Variants in POU3F3 observed in about 807,000 individuals in gnomAD.
POU3F3 encodes POU domain, class 3, transcription factor 3.
A neutral mutation model predicts 8.6 loss-of-function variants in POU3F3; 1 was observed. The observed-to-expected ratio is 0.12, with a 90% CI of 0.04 to 0.55. The LOEUF is 0.55. Ranked by LOEUF, POU3F3 falls within the 20% of genes least tolerant of loss-of-function variation. The pLI, the probability that POU3F3 is intolerant of heterozygous loss-of-function variation, is 0.91. For missense variants in POU3F3, 577 were observed against 690.7 expected (o/e 0.84, Z 1.84); for synonymous variants, 418 against 327.4 (o/e 1.28, Z -2.99).
the POU3F3 span, among the ~76,000 whole-genome samples, chr2:104,869,163 G>A: frequency 2.5e-3 from 381 of 152,330 alleles, 3 homozygotes; most frequent in Non-Finnish European, 4.8e-3. Context: ...GGCTGCTAGC[G>A]AGAGACCTTG....
At chr2:104,881,888 A>G in the POU3F3 span, among the ~76,000 whole-genome samples, 1 of 152,198 alleles carries the variant, frequency 6.6e-6, no homozygotes, top group Admixed American at 6.5e-5. Context: ...GATATCTGTC[A>G]ATAGATGATT....
At position 104,855,784 on chromosome 2, in the gene POU3F3, A is replaced by T; in HGVS notation, c.274A>T (p.Ser92Cys). 7.7e-7 allele frequency: 1 copy of T among 1,298,450 alleles called. No homozygotes were observed. The highest frequency in any genetic ancestry group is 1.0e-6 in the Non-Finnish European group (1 of 1,002,642). The allele number at this position is 1,298,450 out of a possible 1,614,324, so 80.4% of individuals were successfully genotyped here. A position where few individuals can be genotyped will look rare whatever the true frequency, so the allele number is the denominator to read the frequency against. ...CGCCAGCAACGGCGGCCATATGCTG[A>T]GCCACGCGCACCAGTGGGTCACAGC... ...MAASNGGHML[S>C]HAHQWVTALP... is the part of the protein sequence containing the mutation. The change falls in exon 1 of 1, where the codon AGC becomes TGC. Residue 92 changes from serine to cysteine, a missense_variant. By Grantham distance (112) the Ser-to-Cys change is moderately radical. Around this residue, in one of 7 missense-constraint regions of POU3F3, gnomAD observed 484 missense variants for 422.6 expected, o/e 1.15. Transcript: ENST00000361360.
At chr2:104,866,624 G>A in the POU3F3 span, 2 of 152,194 alleles carry the variant, frequency 1.3e-5, no homozygotes, top group South Asian at 2.1e-4. Context: ...AATCCTCTGT[G>A]GGGAGAAGTG....
the POU3F3 span, among the ~76,000 whole-genome samples, chr2:104,920,162 A>G: frequency 5.3e-5 from 8 of 152,258 alleles, no homozygotes; most frequent in East Asian, 1.5e-3. Flanking sequence ...TTACAGGCGC[A>G]TGCCATCACG....
chr2:104,925,041 G>A, the POU3F3 span, among the ~76,000 whole-genome samples: 1 of 152,160 alleles, frequency 6.6e-6, no homozygotes, highest in African/African-American at 2.4e-5. Flanking sequence ...TGCAATTTAG[G>A]TTCTATCATG....
chr2:104,919,667 ACTCCTGAAACAATAGG>A, the POU3F3 span, among the ~76,000 whole-genome samples: 1 of 151,584 alleles, frequency 6.6e-6, no homozygotes, highest in African/African-American at 2.4e-5. Context: ...GCATTTGGAG[ACTCCTGAAACAATAGG>A]CTTCAGAAAG....
At chr2:104,926,962 G>A in the POU3F3 span, among the ~76,000 whole-genome samples, 23 of 152,236 alleles carry the variant, frequency 1.5e-4, no homozygotes, top group South Asian at 4.8e-3. Flanking sequence ...CAGGGGGTGA[G>A]GGGCTAGGGG....
chr2:104,902,005 G>T, the POU3F3 span, among the ~76,000 whole-genome samples: 8 of 152,202 alleles, frequency 5.3e-5, no homozygotes, highest in Non-Finnish European at 8.8e-5. Context: ...CTTACAGACT[G>T]TAGATGTTCA....
rs1034341915 is a variant in POU3F3, at chr2:104,854,196, G to C, written c.-1315G>C. Among the ~76,000 whole-genome samples, 5 of 152,056 alleles carry C rather than the reference G, an allele frequency of 3.3e-5. No homozygotes were observed. The highest frequency in any genetic ancestry group is 1.3e-4 in the Admixed American group (2 of 15,286). ...CGAGAGCGGGCGCCCGAGAGAGGGAGAGAGAGAGAGGGAGGGAGAGGAAAA... is the reference window on the plus strand; with the variant it reads ...CGAGAGCGGGCGCCCGAGAGAGGGACAGAGAGAGAGGGAGGGAGAGGAAAA... On this transcript the variant is annotated 5_prime_UTR_variant, in exon 1 of 1. Coordinates refer to ENST00000361360, the MANE Select transcript of POU3F3 (RefSeq NM_006236.3). This position sits in a 1 kb window ranked among gnomAD's most constrained non-coding sequence, Gnocchi z 4.5.
the POU3F3 span, among the ~76,000 whole-genome samples, chr2:104,863,818 C>A: frequency 6.6e-6 from 1 of 152,186 alleles, no homozygotes; most frequent in Non-Finnish European, 1.5e-5. Context: ...CATGTGCGGG[C>A]AGAAGAAGTC....
chr2:104,922,468 C>A, the POU3F3 span, among the ~76,000 whole-genome samples: 1 of 145,768 alleles, frequency 6.9e-6, no homozygotes, highest in Non-Finnish European at 1.5e-5. Context: ...ATGAAAATAT[C>A]AATAGAAGAA....
chr2:104,858,024 T>A lies in POU3F3; in HGVS notation c.*1011T>A, dbSNP rs1676610842. On this transcript the variant is annotated 3_prime_UTR_variant, in exon 1 of 1. Coordinates refer to ENST00000361360, the MANE Select transcript of POU3F3 (RefSeq NM_006236.3). ...GTACCCAGGCTTTGACGGCTGCCAT[T>A]CAGGGTGGACGATGCCTAAAGATTC... The A allele has an allele frequency of 6.6e-6, 1 of 152,202 alleles. No homozygotes were observed. Among genetic ancestry groups the A allele is most frequent in the Non-Finnish European group, 1.5e-5 (1 of 68,036 alleles). 9.4% of individuals were successfully genotyped at this position (152,202 alleles called of 1,614,324 possible).
chr2:104,891,990 CAG>C, the POU3F3 span, among the ~76,000 whole-genome samples: 11 of 152,134 alleles, frequency 7.2e-5, no homozygotes, highest in Admixed American at 7.2e-4. Flanking sequence ...GAGGTATAAA[CAG>C]GGAGACATTC....
chr2:104,879,874 C>T, the POU3F3 span, among the ~76,000 whole-genome samples: 16 of 152,146 alleles, frequency 1.1e-4, no homozygotes, highest in African/African-American at 2.7e-4. Context: ...CTTTGGGGAA[C>T]GAGCTAAGTA....
At chr2:104,878,891 AAC>A in the POU3F3 span, among the ~76,000 whole-genome samples, 2 of 151,990 alleles carry the variant, frequency 1.3e-5, no homozygotes, top group African/African-American at 4.8e-5. Context: ...ACACAAATGC[AAC>A]ACACACACAG....
chr2:104,926,258 G>GA, the POU3F3 span, among the ~76,000 whole-genome samples: 1 of 151,882 alleles, frequency 6.6e-6, no homozygotes, highest in Admixed American at 6.6e-5. Flanking sequence ...AAATTTACAA[G>GA]AAAAAAACAA....
chr2:104,890,372 TCTCG>T, the POU3F3 span, among the ~76,000 whole-genome samples: 1 of 152,154 alleles, frequency 6.6e-6, no homozygotes, highest in Admixed American at 6.5e-5. Context: ...GCCTGATCTT[TCTCG>T]GTTGTGTGAC....
chr2:104,872,174 G>A, the POU3F3 span: 22 of 452,976 alleles, frequency 4.9e-5, no homozygotes, highest in African/African-American at 4.2e-4. The surrounding 1 kb of genome is among the most constrained non-coding windows in gnomAD (Gnocchi z 4.6). Flanking sequence ...GGGATGCCCT[G>A]CGCCCGCCGG....
the POU3F3 span, chr2:104,865,604 G>C: frequency 6.6e-6 from 1 of 152,150 alleles, no homozygotes; most frequent in Non-Finnish European, 1.5e-5. Context: ...AAGTCGGCTG[G>C]AACATTGCAC....
Sources: allele counts gnomAD v4.1 joint callset (sites outside exome capture counted in the v4.1 genomes callset), GRCh38; gene constraint gnomAD v4.1.1; regional missense constraint gnomAD v4.1.1; non-coding constraint Gnocchi (gnomAD v3.1); transcripts MANE v1.5; gene names NCBI Gene and HGNC (gene_info 2026-07-23, HGNC 2026-07-21).